Variants in HLCS observed in about 807,000 individuals in gnomAD.
HLCS encodes the protein holocarboxylase synthetase.
A neutral mutation model predicts 75.0 loss-of-function variants in HLCS; 53 were observed. The ratio of observed to expected loss-of-function variants is 0.71; its 90% CI spans 0.57 to 0.89. The LOEUF (loss-of-function observed/expected upper bound fraction) is 0.89. Ranked by LOEUF, HLCS falls within the 40% of genes least tolerant of loss-of-function variation. The pLI, the probability that HLCS is intolerant of heterozygous loss-of-function variation, is 0.00. For synonymous variants in HLCS, 431 were observed against 428.6 expected, an observed-to-expected ratio of 1.01 and a Z score of -0.07; for missense variants, 966 against 1,074.0, an observed-to-expected ratio of 0.90 and a Z score of 1.41.
chr21:36,767,775 G>A (rs192982348), intron 6 of HLCS, among the ~76,000 whole-genome samples: 16 of 152,258 alleles, frequency 1.1e-4, no homozygotes, highest in East Asian at 1.9e-4. Context: ...CAATAAAGCC[G>A]TTTAAAAGAC....
At chr21:36,972,915 T>C (rs537035011) in intron 1 of HLCS, among the ~76,000 whole-genome samples, 438 of 152,236 alleles carry the variant, frequency 2.9e-3, no homozygotes, top group Non-Finnish European at 4.9e-3. Context: ...AAAGGAAATT[T>C]AATTTAAAAA....
chr21:36,767,330 C>CA (rs2090075622), intron 6 of HLCS, 45 bp from the exon 7 acceptor site: 1 of 1,583,070 alleles, frequency 6.3e-7, no homozygotes, highest in South Asian at 1.1e-5. Flanking sequence ...CATGGACACG[C>CA]CCGCGGCACC....
intron 4 of HLCS, among the ~76,000 whole-genome samples, chr21:36,934,500 T>C (rs2066791133): frequency 6.6e-6 from 1 of 152,248 alleles, no homozygotes; most frequent in Non-Finnish European, 1.5e-5. Flanking sequence ...GACAACTTCA[T>C]GGCAAATTCC....
At chr21:36,817,896 G>A (rs1379018009) in intron 6 of HLCS, among the ~76,000 whole-genome samples, 2 of 152,162 alleles carry the variant, frequency 1.3e-5, no homozygotes, top group African/African-American at 2.4e-5. Flanking sequence ...TGTCCAAGCC[G>A]CCTACAGCTG....
rs187541183 is a variant in HLCS, at chr21:36,798,812, C to T, written c.1893-31527G>A. Among the ~76,000 whole-genome samples, 486 of 152,204 alleles carry T rather than the reference C, an allele frequency of 3.2e-3. 5 individuals carry two copies. The highest frequency in any genetic ancestry group is 5.9e-3 in the Non-Finnish European group (398 of 68,020). ...TGACACTGAGCATTTTCTCATGTGCCTTTAGGAATTTATAAATTTTCTTTG... is the reference window on the plus strand; with the variant it reads ...TGACACTGAGCATTTTCTCATGTGCTTTTAGGAATTTATAAATTTTCTTTG... On this transcript the variant is annotated intron_variant, in intron 6 of 10. Coordinates refer to ENST00000674895, the MANE Select transcript of HLCS (RefSeq NM_001352514.2).
chr21:36,832,055 T>C (rs1569074146), intron 6 of HLCS, among the ~76,000 whole-genome samples: 1 of 152,188 alleles, frequency 6.6e-6, no homozygotes, highest in African/African-American at 2.4e-5. Context: ...TTCAGTTCCC[T>C]GAAGGATGTG....
intron 5 of HLCS, among the ~76,000 whole-genome samples, chr21:36,926,448 C>T (rs890741138): frequency 1.3e-5 from 2 of 152,154 alleles, no homozygotes; most frequent in African/African-American, 2.4e-5. Flanking sequence ...GATTCCCTGC[C>T]TTTTAACATT....
chr21:36,798,370 T>C (rs1382081143), intron 6 of HLCS, among the ~76,000 whole-genome samples: 2 of 152,252 alleles, frequency 1.3e-5, no homozygotes, highest in Non-Finnish European at 2.9e-5. Context: ...GGATTCCTAG[T>C]TGTATTCTAG....
At chr21:36,975,408 G>C (rs997273217) in intron 1 of HLCS, among the ~76,000 whole-genome samples, 1 of 151,978 alleles carries the variant, frequency 6.6e-6, no homozygotes, top group Non-Finnish European at 1.5e-5. Context: ...GATGATTCCC[G>C]GTGCCCGTCC....
chr21:36,888,589 CAT>C (rs1284442655), intron 6 of HLCS, among the ~76,000 whole-genome samples: 1 of 150,668 alleles, frequency 6.6e-6, no homozygotes, highest in East Asian at 2.0e-4. Context: ...CCTCAACTCA[CAT>C]GAGGCTGATT....
chr21:36,898,640 TG>T (rs1186014919), intron 5 of HLCS, among the ~76,000 whole-genome samples: 1 of 151,750 alleles, frequency 6.6e-6, no homozygotes, highest in Non-Finnish European at 1.5e-5. Context: ...TGAAACACAA[TG>T]GGTGGTTCTT....
At chr21:36,772,356 G>A (rs963334597) in intron 6 of HLCS, among the ~76,000 whole-genome samples, 3 of 152,100 alleles carry the variant, frequency 2.0e-5, no homozygotes, top group Non-Finnish European at 2.9e-5. Flanking sequence ...AAATACAGGG[G>A]CCAGGCTCAG....
Position 36,754,032 on chromosome 21 carries a change from A to G in HLCS, c.*214T>C. On this transcript the variant is annotated 3_prime_UTR_variant, in exon 11 of 11. Coordinates refer to ENST00000674895, the MANE Select transcript of HLCS (RefSeq NM_001352514.2). ...CCACCTGTGGGAGGGCTTTCCCTAAACTAAATTTTCTACTTCTTAACCATC... is the reference window on the plus strand; with the variant it reads ...CCACCTGTGGGAGGGCTTTCCCTAAGCTAAATTTTCTACTTCTTAACCATC... The G allele has an allele frequency of 1.6e-6, 1 of 612,400 alleles. No homozygotes were observed. The highest frequency in any genetic ancestry group is 2.8e-6 in the Non-Finnish European group (1 of 352,220). The allele number at this position is 612,400 out of a possible 1,614,324, so 37.9% of individuals were successfully genotyped here. A position where few individuals can be genotyped will look rare whatever the true frequency, so the allele number is the denominator to read the frequency against.
intron 6 of HLCS, among the ~76,000 whole-genome samples, chr21:36,795,282 T>C (rs1305260035): frequency 6.6e-6 from 1 of 152,208 alleles, no homozygotes; most frequent in Admixed American, 6.5e-5. Context: ...CTTCGTCTTC[T>C]GCGAGGACAC....
At chr21:36,791,005 G>A (rs1178787614) in intron 6 of HLCS, among the ~76,000 whole-genome samples, 1 of 152,194 alleles carries the variant, frequency 6.6e-6, no homozygotes, top group African/African-American at 2.4e-5. Context: ...TGAAATGATA[G>A]ATGCAGGGGT....
intron 6 of HLCS, among the ~76,000 whole-genome samples, chr21:36,847,013 T>G (rs549103157): frequency 1.5e-4 from 23 of 152,226 alleles, no homozygotes; most frequent in Non-Finnish European, 3.1e-4. Context: ...TCTAATTCAT[T>G]TGCTGCACTG....
Position 36,966,487 on chromosome 21 carries a change from C to T in HLCS, c.152G>A (p.Cys51Tyr). 2 of 982,518 alleles carry T rather than the reference C, an allele frequency of 2.0e-6. No individual in the cohort carries two copies. Among genetic ancestry groups the T allele is most frequent in the South Asian group, 4.7e-5 (1 of 21,240 alleles). The allele number at this position is 982,518 out of a possible 1,614,324, so 60.9% of individuals were successfully genotyped here. ...AAAQPPGARVCLSRGGRVFCV... is the reference protein window; with the variant it reads ...AAAQPPGARVYLSRGGRVFCV... Reference sequence around the variant, plus strand: ...GAAGACGCGGCCGCCACGGCTCAGGCACACGCGGGCGCCCGGGGGCTGCGC... The same window carrying T: ...GAAGACGCGGCCGCCACGGCTCAGGTACACGCGGGCGCCCGGGGGCTGCGC... Residue 51 changes from cysteine (C) to tyrosine (Y), a missense_variant, in exon 1 of 11, where the codon TGC becomes TAC. Coordinates refer to ENST00000674895, the MANE Select transcript of HLCS (RefSeq NM_001352514.2).
At chr21:36,788,693 G>C (rs143046640) in intron 6 of HLCS, among the ~76,000 whole-genome samples, 1 of 152,280 alleles carries the variant, frequency 6.6e-6, no homozygotes, top group African/African-American at 2.4e-5. Context: ...TAAAATGAGT[G>C]TGTTATTAAA....
At position 36,751,231 on chromosome 21, in the gene HLCS, T is replaced by C. The variant is rs1312115739; in HGVS notation, c.*3015A>G. On this transcript the variant is annotated 3_prime_UTR_variant, in exon 11 of 11. Transcript: ENST00000674895. The stretch of plus-strand genomic sequence containing the variant: ...TAGTTTATTTTGGTAGACTTGCTTT[T>C]TATAGGCATTGGTTTAAAGTGATTC... 3 of 152,798 alleles carry C rather than the reference T, an allele frequency of 2.0e-5. No individual in the cohort carries two copies. Among genetic ancestry groups the C allele is most frequent in the Middle Eastern group, 6.8e-3 (2 of 294 alleles). The allele number at this position is 152,798 out of a possible 1,614,324, so 9.5% of individuals were successfully genotyped here.
Sources: allele counts gnomAD v4.1 joint callset (sites outside exome capture counted in the v4.1 genomes callset), GRCh38; gene constraint gnomAD v4.1.1; transcripts MANE v1.5; gene names NCBI Gene and HGNC (gene_info 2026-07-23, HGNC 2026-07-21).